Variants in CSMD3 observed in about 807,000 individuals in gnomAD.
The protein encoded by CSMD3 is CUB and sushi domain-containing protein 3.
A neutral mutation model predicts 435.2 loss-of-function variants in CSMD3; 177 were observed. The observed-to-expected ratio is 0.41, with a 90% CI of 0.36 to 0.46. CSMD3 has a LOEUF of 0.46. CSMD3 is among the 20% of genes least tolerant of loss of function. CSMD3 has a pLI of 0.34. For synonymous variants in CSMD3, 1,656 were observed against 1,520.5 expected, an observed-to-expected ratio of 1.09 and a Z score of -2.07; for missense variants, 4,265 against 4,504.6, an observed-to-expected ratio of 0.95 and a Z score of 1.52.
intron 10 of CSMD3, among the ~76,000 whole-genome samples, chr8:112,903,168 A>G (rs895541431): frequency 6.5e-5 from 9 of 138,298 alleles, no homozygotes; most frequent in African/African-American, 2.1e-4. Context: ...AAAAAAAAAA[A>G]AAAAAAAGAA....
Position 112,346,210 on chromosome 8 carries a change from T to C in CSMD3, c.6329A>G (p.Gln2110Arg). The C allele has an allele frequency of 6.3e-7, 1 of 1,588,024 alleles. No homozygotes were observed. Among genetic ancestry groups the C allele is most frequent in the East Asian group, 2.2e-5 (1 of 44,708 alleles). The change falls in exon 41 of 71, where the codon CAG becomes CGG. Residue 2110 changes from glutamine (Q) to arginine (R), a missense_variant. Around this residue, in one of 3 missense-constraint regions of CSMD3, gnomAD observed 3,255 missense variants for 3,380.2 expected, o/e 0.96. Transcript: ENST00000297405. Reference sequence around the variant, plus strand: ...GAAGTCTGACATAGCACCACCACACTGAGCTGCAAAATAACAGAAATCCAA... The same window carrying C: ...GAAGTCTGACATAGCACCACCACACCGAGCTGCAAAATAACAGAAATCCAA... The part of the protein sequence containing the change: ...WNYPIPICLA[Q>R]CGGAMSDFSG...
intron 13 of CSMD3, among the ~76,000 whole-genome samples, chr8:112,752,578 G>A (rs1328571908): frequency 1.3e-5 from 2 of 152,190 alleles, no homozygotes; most frequent in African/African-American, 4.8e-5. Context: ...GGAGTCATTA[G>A]ATACTATCCA....
chr8:112,966,847 T>G (rs145578889), intron 7 of CSMD3, among the ~76,000 whole-genome samples: 171 of 152,008 alleles, frequency 1.1e-3, no homozygotes, highest in African/African-American at 3.9e-3. Flanking sequence ...TTCCCACCAT[T>G]TGAGTCACTC....
intron 13 of CSMD3, among the ~76,000 whole-genome samples, chr8:112,787,742 T>C (rs1226858783): frequency 2.6e-5 from 4 of 151,994 alleles, no homozygotes; most frequent in Non-Finnish European, 4.4e-5. Context: ...AATTGAACAG[T>C]TGAACTCATG....
chr8:113,295,373 C>T (rs1026739378), intron 2 of CSMD3, among the ~76,000 whole-genome samples: 3 of 152,004 alleles, frequency 2.0e-5, no homozygotes, highest in African/African-American at 7.2e-5. Flanking sequence ...CTATTGCCAC[C>T]ACAATTTACA....
chr8:112,877,002 T>A (rs1439270799), intron 10 of CSMD3, among the ~76,000 whole-genome samples: 1 of 152,040 alleles, frequency 6.6e-6, no homozygotes, highest in Non-Finnish European at 1.5e-5. Context: ...TGAACTCCCA[T>A]TCACAATTGC....
intron 4 of CSMD3, among the ~76,000 whole-genome samples, chr8:113,131,208 T>A (rs2091275055): frequency 6.6e-6 from 1 of 152,042 alleles, no homozygotes; most frequent in African/African-American, 2.4e-5. Context: ...CTTCAGAAAT[T>A]TGAATGAATA....
At chr8:112,452,204 TA>T (rs1354872332) in intron 32 of CSMD3, among the ~76,000 whole-genome samples, 1 of 152,208 alleles carries the variant, frequency 6.6e-6, no homozygotes, top group Non-Finnish European at 1.5e-5. Context: ...TCAGAATAGT[TA>T]TAAAACAACC....
intron 30 of CSMD3, among the ~76,000 whole-genome samples, chr8:112,493,871 C>T (rs572103469): frequency 1.3e-5 from 2 of 151,908 alleles, no homozygotes; most frequent in Non-Finnish European, 2.9e-5. Context: ...AACGTAAAGG[C>T]CATTACAATA....
At chr8:112,685,339 T>C in intron 15 of CSMD3, 67 bp downstream of exon 15, 1 of 1,325,964 alleles carries the variant, frequency 7.5e-7, no homozygotes, top group Non-Finnish European at 1.1e-6. Context: ...CCAATATACA[T>C]GATCACTTTT....
At chr8:112,346,618 C>T (rs1045480878) in intron 40 of CSMD3, among the ~76,000 whole-genome samples, 1 of 148,676 alleles carries the variant, frequency 6.7e-6, no homozygotes, top group Non-Finnish European at 1.5e-5. Context: ...CACTTCAGCT[C>T]TAAGTACTGT....
intron 6 of CSMD3, among the ~76,000 whole-genome samples, chr8:112,995,221 G>A (rs1231663380): frequency 1.3e-5 from 2 of 151,416 alleles, no homozygotes; most frequent in Non-Finnish European, 3.0e-5. Context: ...TATGAAGATT[G>A]CATTTGAGTG....
intron 2 of CSMD3, among the ~76,000 whole-genome samples, chr8:113,279,411 A>G (rs1779779249): frequency 6.6e-6 from 1 of 151,598 alleles, no homozygotes; most frequent in Non-Finnish European, 1.5e-5. Flanking sequence ...ATTAATGTGT[A>G]CATTAACATC....
chr8:112,564,588 A>G lies in CSMD3; in HGVS notation c.4043-7634T>C, dbSNP rs577997888. ...TCAGGAAATTCAGCAGTTCAGGGAA[A>G]CTGCTGCCACATCCAACAACCTGAC... On this transcript the variant is annotated intron_variant, in intron 24 of 70. Coordinates refer to ENST00000297405, the MANE Select transcript of CSMD3 (RefSeq NM_198123.2). Among the ~76,000 whole-genome samples the G allele has an allele frequency of 3.6e-3, 544 of 152,132 alleles. 2 individuals are homozygous for G. Among genetic ancestry groups the G allele is most frequent in the African/African-American group, 0.013 (521 of 41,548 alleles).
rs185565853 is a variant in CSMD3, at chr8:112,818,524, C to G, written c.1859+11162G>C. Among the ~76,000 whole-genome samples, 507 of 152,240 alleles carry G rather than the reference C, an allele frequency of 3.3e-3. 3 individuals carry two copies. Among genetic ancestry groups the G allele is most frequent in the African/African-American group, 0.011 (442 of 41,564 alleles). On this transcript the variant is annotated intron_variant, in intron 12 of 70. Transcript: ENST00000297405. ...GTAAAGAGATTGCTGAATAAAATGT[C>G]TAAATGAAAACTAGTGTTAACTGTT... is the stretch of plus-strand genomic sequence containing the variant.
chr8:113,012,769 C>A (rs2086303681), intron 6 of CSMD3, among the ~76,000 whole-genome samples: 2 of 152,094 alleles, frequency 1.3e-5, no homozygotes, highest in South Asian at 4.1e-4. Flanking sequence ...AGTGTGGGAG[C>A]AGACTAATAC....
intron 15 of CSMD3, among the ~76,000 whole-genome samples, chr8:112,684,250 T>C (rs2075964644): frequency 6.6e-6 from 1 of 152,008 alleles, no homozygotes; most frequent in Non-Finnish European, 1.5e-5. Context: ...AAGCAGTCAT[T>C]TTATATAAGT....
At chr8:112,701,696 C>G (rs1279257126) in intron 13 of CSMD3, among the ~76,000 whole-genome samples, 1 of 152,138 alleles carries the variant, frequency 6.6e-6, no homozygotes, top group Non-Finnish European at 1.5e-5. Context: ...TCTTCGACTT[C>G]CTTACCATAG....
chr8:113,199,560 G>T (rs1032378344), intron 3 of CSMD3, among the ~76,000 whole-genome samples: 5 of 151,522 alleles, frequency 3.3e-5, no homozygotes, highest in African/African-American at 1.2e-4. Flanking sequence ...TTTTATGCTG[G>T]ATTTTTCCAA....
Sources: allele counts gnomAD v4.1 joint callset (sites outside exome capture counted in the v4.1 genomes callset), GRCh38; gene constraint gnomAD v4.1.1; regional missense constraint gnomAD v4.1.1; transcripts MANE v1.5; gene names NCBI Gene and HGNC (gene_info 2026-07-23, HGNC 2026-07-21).